PPP2R5C: variants seen among roughly 807,000 people sequenced by gnomAD.
PPP2R5C encodes protein phosphatase 2 regulatory subunit B'gamma.
A neutral mutation model predicts 68.9 loss-of-function variants in PPP2R5C; 7 were observed. The ratio of observed to expected loss-of-function variants is 0.10; its 90% CI spans 0.06 to 0.19. The LOEUF is 0.19. Among genes scored for constraint, PPP2R5C ranks in the 10% least tolerant of loss-of-function variants. The pLI, the probability that PPP2R5C is intolerant of heterozygous loss-of-function variation, is 1.00. For synonymous variants in PPP2R5C, 210 were observed against 222.2 expected (o/e 0.95, Z 0.49); for missense variants, 348 against 641.3 (o/e 0.54, Z 4.94).
chr14:101,769,526 T>G (rs1422023026), intron 2 of PPP2R5C, among the ~76,000 whole-genome samples: 1 of 152,232 alleles, frequency 6.6e-6, no homozygotes, highest in African/African-American at 2.4e-5. Flanking sequence ...TTAAGAGGCT[T>G]ATTTATCACT....
intron 2 of PPP2R5C, among the ~76,000 whole-genome samples, chr14:101,770,113 C>T (rs2037071119): frequency 6.6e-6 from 1 of 152,180 alleles, no homozygotes; most frequent in South Asian, 2.1e-4. Context: ...GCACCACCAT[C>T]ATTTGTGCAG....
Position 101,888,579 on chromosome 14 carries a change from G to GTTGTT in PPP2R5C, c.630-1635_630-1631dup, listed in dbSNP as rs141565253. ...GAGCAGATCTCAGTTTTTCTGTTGT[G>GTTGTT]TTGTTTTGTTTTGTTTTGTTTTGTT... On this transcript the variant is annotated intron_variant, in intron 5 of 13. Transcript: ENST00000334743. This position sits in a 1 kb window ranked among gnomAD's most constrained non-coding sequence, Gnocchi z 5.6. Among the ~76,000 whole-genome samples, 81 of 151,998 alleles carry GTTGTT rather than the reference G, an allele frequency of 5.3e-4. No individual in the cohort carries two copies. The highest frequency in any genetic ancestry group is 3.4e-3 in the Admixed American group (52 of 15,264).
At chr14:101,809,834 C>A, upstream of PPP2R5C, 1 of 1,463,746 alleles carries the variant, frequency 6.8e-7, no homozygotes, top group Non-Finnish European at 9.0e-7. Flanking sequence ...ACGAACCAGC[C>A]AGTTCCCTCC....
chr14:101,841,975 G>A lies in PPP2R5C; in HGVS notation c.95-14711G>A, dbSNP rs910552339. On this transcript the variant is annotated intron_variant, in intron 1 of 13. Coordinates refer to ENST00000334743, the Ensembl canonical transcript of PPP2R5C. ...TAGTGCCACCTTTTGCGGCTCCTGTGGAGAGTCCAGCTCACGGAGGCCCCC... is the reference window on the plus strand; with the variant it reads ...TAGTGCCACCTTTTGCGGCTCCTGTAGAGAGTCCAGCTCACGGAGGCCCCC... Among the ~76,000 whole-genome samples, 6 of 152,228 alleles carry A rather than the reference G, an allele frequency of 3.9e-5. No individual in the cohort carries two copies. The East Asian group carries it at 1.2e-3, about 30-fold the overall frequency.
chr14:101,809,417 A>C (rs2039220071), upstream of PPP2R5C, among the ~76,000 whole-genome samples: 1 of 151,526 alleles, frequency 6.6e-6, no homozygotes. Flanking sequence ...AAAAAAAAAC[A>C]CTGGGTTGCC....
In PPP2R5C at chr14:101,882,965, G is replaced by A; in HGVS notation, c.406-292G>A. The A allele has an allele frequency of 3.7e-6, 1 of 272,106 alleles. No individual in the cohort carries two copies. Among genetic ancestry groups the A allele is most frequent in the Non-Finnish European group, 6.9e-6 (1 of 145,872 alleles). The allele number at this position is 272,106 out of a possible 1,614,324, so 16.9% of individuals were successfully genotyped here. ...GAGTTGGGTCATGGCTTGGTTTGTG[G>A]CATCTGTGCCCTGTAGTCCCTGAAC... On this transcript the variant is annotated intron_variant, in intron 3 of 13. Transcript: ENST00000334743. The surrounding 1 kb of genome is among the most constrained non-coding windows in gnomAD (Gnocchi z 4.9).
intron 2 of PPP2R5C, among the ~76,000 whole-genome samples, chr14:101,859,340 A>T (rs962270677): frequency 6.6e-6 from 1 of 152,270 alleles, no homozygotes; most frequent in Non-Finnish European, 1.5e-5. Flanking sequence ...TTTCTGCCTT[A>T]TGCCCACGTG....
chr14:101,832,348 T>C (rs1046584441), intron 1 of PPP2R5C, among the ~76,000 whole-genome samples: 4 of 152,260 alleles, frequency 2.6e-5, no homozygotes, highest in Non-Finnish European at 5.9e-5. Context: ...TTAATAATTA[T>C]ATATTGATGA....
chr14:101,900,213 G>A (rs2045597626), intron 8 of PPP2R5C, among the ~76,000 whole-genome samples: 1 of 152,106 alleles, frequency 6.6e-6, no homozygotes. Flanking sequence ...CATGAATTTT[G>A]GAGTTTTATA....
chr14:101,761,865 G>C, upstream of PPP2R5C: 1 of 1,078,790 alleles, frequency 9.3e-7, no homozygotes, highest in Non-Finnish European at 1.1e-6. Flanking sequence ...CGGCAGGGGC[G>C]GCGGCGGCGG....
At chr14:101,807,486 T>C (rs1239639263), upstream of PPP2R5C, among the ~76,000 whole-genome samples, 4 of 152,210 alleles carry the variant, frequency 2.6e-5, no homozygotes, top group Non-Finnish European at 5.9e-5. Flanking sequence ...GCTAAGTACC[T>C]GGAAAAATAG....
At chr14:101,838,765 T>G (rs914684922) in intron 1 of PPP2R5C, among the ~76,000 whole-genome samples, 2 of 152,132 alleles carry the variant, frequency 1.3e-5, no homozygotes, top group Non-Finnish European at 2.9e-5. Flanking sequence ...CTATTTTGGC[T>G]GGGCATGGTG....
Position 101,906,356 on chromosome 14 carries a change from T to C in PPP2R5C, c.1024-46T>C, listed in dbSNP as rs757873943. The C allele has an allele frequency of 2.0e-6, 3 of 1,537,974 alleles. No homozygotes were observed. ...TTTAACAGCAAGGACAGCCACCTGATGTCTCAGGCACAACCTCCAGCAAGC... is the reference window on the plus strand; with the variant it reads ...TTTAACAGCAAGGACAGCCACCTGACGTCTCAGGCACAACCTCCAGCAAGC... On this transcript the variant is annotated intron_variant, in intron 9 of 13. Coordinates refer to ENST00000334743, the Ensembl canonical transcript of PPP2R5C. The surrounding 1 kb of genome is among the most constrained non-coding windows in gnomAD (Gnocchi z 4.0).
intron 3 of PPP2R5C, among the ~76,000 whole-genome samples, chr14:101,791,066 C>T (rs2038339611): frequency 6.6e-6 from 1 of 152,066 alleles, no homozygotes; most frequent in Admixed American, 6.6e-5. Flanking sequence ...GGCAACAGAG[C>T]AAGACTCCGT....
chr14:101,849,033 T>G (rs1459967956), intron 1 of PPP2R5C, among the ~76,000 whole-genome samples: 1 of 152,248 alleles, frequency 6.6e-6, no homozygotes, highest in East Asian at 1.9e-4. Context: ...ATCCTCCTTA[T>G]CTGCCCCTTT....
chr14:101,872,139 A>C (rs1315961062), intron 2 of PPP2R5C, among the ~76,000 whole-genome samples: 1 of 150,724 alleles, frequency 6.6e-6, no homozygotes, highest in South Asian at 2.1e-4. Context: ...GACTGTCTTA[A>C]TATTTCTTAT....
At chr14:101,858,013 T>C (rs1201759608) in intron 2 of PPP2R5C, among the ~76,000 whole-genome samples, 2 of 152,232 alleles carry the variant, frequency 1.3e-5, no homozygotes, top group Non-Finnish European at 2.9e-5. Context: ...TTTTAACTTG[T>C]TGTTTTTAAC....
Position 101,794,189 on chromosome 14 carries a change from C to T in PPP2R5C, c.259+8006C>T, listed in dbSNP as rs147386198. On this transcript the variant is annotated intron_variant, in intron 3 of 14. Transcript: ENST00000328724. The stretch of plus-strand genomic sequence containing the variant: ...ACGTGCCCTCTTCTGCCCAGAACTT[C>T]CCTGCTTCCTGTTCCTATCACTTTC... Among the ~76,000 whole-genome samples, 540 of 152,328 alleles carry T rather than the reference C, an allele frequency of 3.5e-3. 2 individuals are homozygous for T. Among genetic ancestry groups the T allele is most frequent in the African/African-American group, 0.011 (473 of 41,586 alleles).
At chr14:101,905,735 C>G (rs1424871916) in intron 9 of PPP2R5C, among the ~76,000 whole-genome samples, 1 of 152,078 alleles carries the variant, frequency 6.6e-6, no homozygotes, top group East Asian at 1.9e-4. Flanking sequence ...GCACTCAGGC[C>G]CTGTTCCCCT....
Sources: allele counts gnomAD v4.1 joint callset (sites outside exome capture counted in the v4.1 genomes callset), GRCh38; gene constraint gnomAD v4.1.1; non-coding constraint Gnocchi (gnomAD v3.1); transcripts MANE v1.5; gene names NCBI Gene and HGNC (gene_info 2026-07-23, HGNC 2026-07-21).